Variants in SEMA6A observed in about 807,000 individuals in gnomAD.
The protein encoded by SEMA6A is semaphorin-6A.
SEMA6A carries 25 observed loss-of-function variants against 96.8 expected under a neutral mutation model. That is an observed-to-expected ratio of 0.26 (90% CI 0.19 to 0.36). The LOEUF (loss-of-function observed/expected upper bound fraction) is 0.36. Ranked by LOEUF, SEMA6A falls within the 10% of genes least tolerant of loss-of-function variation. SEMA6A has a pLI of 1.00. For missense variants in SEMA6A, 1,363 were observed against 1,323.1 expected (o/e 1.03, Z -0.47); for synonymous variants, 612 against 518.0 (o/e 1.18, Z -2.46).
intron 7 of SEMA6A, 120 bp downstream of exon 7, chr5:116,491,620 A>T: frequency 1.4e-6 from 1 of 727,600 alleles, no homozygotes; most frequent in Non-Finnish European, 2.4e-6. Flanking sequence ...ATTCTTAATT[A>T]CAGTATTCAC....
At chr5:116,449,346 A>G (rs1338253426) in intron 18 of SEMA6A, 1 of 702,466 alleles carries the variant, frequency 1.4e-6, no homozygotes, top group Admixed American at 2.0e-5. Context: ...CGCATTTTTC[A>G]TCTACTAAAT....
In SEMA6A at chr5:116,496,318, A is replaced by G; in HGVS notation, c.280-5T>C. The G allele has an allele frequency of 6.2e-7, 1 of 1,613,264 alleles. No homozygotes were observed. The highest frequency in any genetic ancestry group is 8.5e-7 in the Non-Finnish European group (1 of 1,179,384). Reference sequence around the variant, plus strand: ...TCTAGATTTCCATGTCAGTTTCTGCAGGGATCAAGAAAGAAATCAATTAGA... The same window carrying G: ...TCTAGATTTCCATGTCAGTTTCTGCGGGGATCAAGAAAGAAATCAATTAGA... On this transcript the variant is annotated splice_polypyrimidine_tract_variant and splice_region_variant and intron_variant, in intron 4 of 18. Transcript: ENST00000343348.
At chr5:116,484,653 A>G (rs962523354) in intron 10 of SEMA6A, among the ~76,000 whole-genome samples, 3 of 152,140 alleles carry the variant, frequency 2.0e-5, no homozygotes, top group Non-Finnish European at 4.4e-5. Context: ...AATAATAACA[A>G]AAATCATAAC....
chr5:116,547,585 G>C (rs571790952), intron 1 of SEMA6A, among the ~76,000 whole-genome samples: 35 of 151,602 alleles, frequency 2.3e-4, no homozygotes, highest in South Asian at 1.7e-3. Flanking sequence ...AAAGGCCTTT[G>C]TTTTATCTAT....
intron 1 of SEMA6A, among the ~76,000 whole-genome samples, chr5:116,519,520 G>C (rs919522152): frequency 6.6e-6 from 1 of 152,124 alleles, no homozygotes; most frequent in African/African-American, 2.4e-5. Flanking sequence ...CTTTAGAAAT[G>C]GCTGAGTTTC....
chr5:116,549,238 G>A (rs1760306438), intron 1 of SEMA6A, among the ~76,000 whole-genome samples: 1 of 152,096 alleles, frequency 6.6e-6, no homozygotes, highest in South Asian at 2.1e-4. Flanking sequence ...ATTTCTCTTG[G>A]AGTCAGAGAG....
intron 1 of SEMA6A, among the ~76,000 whole-genome samples, chr5:116,547,735 A>T (rs934516822): frequency 6.7e-4 from 36 of 53,638 alleles, no homozygotes; most frequent in African/African-American, 1.1e-3. Context: ...TCTGATACTT[A>T]AAAAAAAAAA....
chr5:116,451,232 G>C (rs1754614133), intron 18 of SEMA6A, among the ~76,000 whole-genome samples: 1 of 152,222 alleles, frequency 6.6e-6, no homozygotes, highest in South Asian at 2.1e-4. Flanking sequence ...AAATGCTGTA[G>C]TTTGCTGGAC....
intron 1 of SEMA6A, among the ~76,000 whole-genome samples, chr5:116,522,555 G>C (rs377551210): frequency 3.3e-5 from 5 of 152,146 alleles, no homozygotes; most frequent in Non-Finnish European, 7.3e-5. Context: ...ACCCGCCTGC[G>C]TGCCATATGA....
chr5:116,471,799 CAG>C (rs1221033562), intron 17 of SEMA6A: 1 of 152,202 alleles, frequency 6.6e-6, no homozygotes, highest in African/African-American at 2.4e-5. Flanking sequence ...TAATTTGACA[CAG>C]GGAGTGAGAG....
chr5:116,459,433 C>T (rs1357003648), intron 18 of SEMA6A, among the ~76,000 whole-genome samples: 1 of 152,152 alleles, frequency 6.6e-6, no homozygotes, highest in East Asian at 1.9e-4. Context: ...CCTTCCCATC[C>T]TCCACTTCCT....
At chr5:116,485,136 T>A (rs1179032638) in intron 10 of SEMA6A, among the ~76,000 whole-genome samples, 1 of 152,204 alleles carries the variant, frequency 6.6e-6, no homozygotes, top group African/African-American at 2.4e-5. Context: ...CAAACAAATA[T>A]GATTTCTGAG....
At chr5:116,466,059 T>TAAAAAAAA (rs35801222) in intron 18 of SEMA6A, among the ~76,000 whole-genome samples, 1 of 93,660 alleles carries the variant, frequency 1.1e-5, no homozygotes, top group Non-Finnish European at 2.0e-5. Flanking sequence ...AAAACCAGCT[T>TAAAAAAAA]AAAAAAAAAA....
At position 116,480,249 on chromosome 5, in the gene SEMA6A, A is replaced by G; in HGVS notation, c.1123T>C (p.Leu375=). 1 of 1,613,866 alleles carries G rather than the reference A, an allele frequency of 6.2e-7. No individual in the cohort carries two copies. Among genetic ancestry groups the G allele is most frequent in the Non-Finnish European group, 8.5e-7 (1 of 1,179,780 alleles). ...TCATTGGAGGTTGCATATCTTTCTA[A>G]GGAGGATGAGCCAGCACAGCAACCT... is the stretch of plus-strand genomic sequence containing the variant. The part of the protein sequence containing the change: ...RPGCCAGSSS[L]ERYATSNEFP... Residue 375 remains leucine, a synonymous_variant, in exon 12 of 19, where the codon TTA becomes CTA. Transcript: ENST00000343348.
chr5:116,459,422 A>T (rs1446606879), intron 18 of SEMA6A, among the ~76,000 whole-genome samples: 1 of 151,966 alleles, frequency 6.6e-6, no homozygotes, highest in Non-Finnish European at 1.5e-5. Context: ...CCCAACGTCT[A>T]CCTTCCCATC....
chr5:116,466,190 G>A lies in SEMA6A; in HGVS notation c.1894+1393C>T, dbSNP rs1025625213. ...GTTCAAGACCAGCCTGGCCAACATG[G>A]CAAAACCCTGTCACTACTAAAAAAA... On this transcript the variant is annotated intron_variant, in intron 18 of 18. Coordinates refer to ENST00000343348, the MANE Select transcript of SEMA6A (RefSeq NM_020796.5). 1.1e-4 allele frequency among the ~76,000 whole-genome samples: 17 copies of A among 150,118 alleles called. No individual in the cohort carries two copies. In the East Asian group the frequency reaches 2.9e-3, roughly 26 times the overall value.
At position 116,482,616 on chromosome 5, in the gene SEMA6A, G is replaced by A. The variant is rs1272298250; in HGVS notation, c.963-41C>T. 9 of 1,604,026 alleles carry A rather than the reference G, an allele frequency of 5.6e-6. No homozygotes were observed. In the Admixed American group the frequency reaches 6.7e-5, roughly 12 times the overall value. On this transcript the variant is annotated intron_variant, in intron 10 of 18. Coordinates refer to ENST00000343348, the MANE Select transcript of SEMA6A (RefSeq NM_020796.5). ...TCACATCAAGTGTTACTCATGCAAT[G>A]GTTATGCATGTGGTTTGGAACATAC...
intron 6 of SEMA6A, among the ~76,000 whole-genome samples, chr5:116,493,669 C>G (rs1303216177): frequency 1.3e-5 from 2 of 152,208 alleles, no homozygotes; most frequent in Non-Finnish European, 1.5e-5. Flanking sequence ...CAAACAGACC[C>G]TCCCTTCACT....
At chr5:116,533,941 T>G (rs1001348979) in intron 1 of SEMA6A, among the ~76,000 whole-genome samples, 4 of 152,076 alleles carry the variant, frequency 2.6e-5, no homozygotes, top group Admixed American at 2.6e-4. Context: ...TCTCTGGTAG[T>G]TTCATTCTCT....
Sources: allele counts gnomAD v4.1 joint callset (sites outside exome capture counted in the v4.1 genomes callset), GRCh38; gene constraint gnomAD v4.1.1; transcripts MANE v1.5; gene names NCBI Gene and HGNC (gene_info 2026-07-23, HGNC 2026-07-21).